Variants in ZYG11B observed in about 807,000 individuals in gnomAD.
ZYG11B encodes the protein protein zyg-11 homolog B.
A neutral mutation model predicts 82.4 loss-of-function variants in ZYG11B; 36 were observed. The observed-to-expected ratio is 0.44, with a 90% CI of 0.33 to 0.58. ZYG11B has a LOEUF of 0.58. ZYG11B is among the 20% of genes least tolerant of loss of function. ZYG11B has a pLI of 0.02. For missense variants in ZYG11B, 552 were observed against 895.6 expected, an observed-to-expected ratio of 0.62 and a Z score of 4.90; for synonymous variants, 303 against 312.8, an observed-to-expected ratio of 0.97 and a Z score of 0.33.
intron 1 of ZYG11B, among the ~76,000 whole-genome samples, chr1:52,742,893 G>A (rs1341832039): frequency 6.6e-6 from 1 of 151,124 alleles, no homozygotes; most frequent in African/African-American, 2.4e-5. Context: ...AAGTTCTGGG[G>A]GGCAGCCCCC....
intron 10 of ZYG11B, among the ~76,000 whole-genome samples, chr1:52,803,301 CAT>C (rs1413394572): frequency 1.6e-5 from 2 of 125,274 alleles, no homozygotes; most frequent in South Asian, 2.5e-4. Flanking sequence ...TATATATACA[CAT>C]ATATATACAT....
intron 5 of ZYG11B, among the ~76,000 whole-genome samples, chr1:52,786,808 G>A (rs1469549882): frequency 1.3e-5 from 2 of 151,016 alleles, no homozygotes; most frequent in Admixed American, 6.6e-5. Context: ...AAGAATGTTC[G>A]AGCCGGGCGT....
chr1:52,735,325 G>A (rs1049592229), intron 1 of ZYG11B, among the ~76,000 whole-genome samples: 1 of 152,118 alleles, frequency 6.6e-6, no homozygotes, highest in African/African-American at 2.4e-5. Context: ...CACCGTGCCC[G>A]GCCCAAATCA....
chr1:52,779,999 A>T lies in ZYG11B; in HGVS notation c.1092+6A>T. The stretch of plus-strand genomic sequence containing the variant: ...CAAAGCCAGAAATTTTAAAGGTAAG[A>T]ATAAGAAACTGGATATGAAATTTTT... On this transcript the variant is annotated splice_donor_region_variant and intron_variant, in intron 4 of 13. Transcript: ENST00000294353. The T allele has an allele frequency of 6.2e-7, 1 of 1,608,388 alleles. No homozygotes were observed. Among genetic ancestry groups the T allele is most frequent in the Non-Finnish European group, 8.5e-7 (1 of 1,178,342 alleles).
In ZYG11B at chr1:52,803,099, C is replaced by CACAT. The variant is rs1558139992; in HGVS notation, c.1695+961_1695+962insCATA. On this transcript the variant is annotated intron_variant, in intron 10 of 13. Transcript: ENST00000294353. The stretch of plus-strand genomic sequence containing the variant: ...ATATATATATACACATATATATATA[C>CACAT]ATATATATATATATATATACACACA... Among the ~76,000 whole-genome samples, 6 of 10,794 alleles carry CACAT rather than the reference C, an allele frequency of 5.6e-4. 1 individual carries two copies. The highest frequency in any genetic ancestry group is 2.5e-3 in the South Asian group (1 of 400). 7.1% of individuals were successfully genotyped at this position (10,794 alleles called of 152,430 possible).
In ZYG11B at chr1:52,782,636, A is replaced by T. The variant is rs923732299; in HGVS notation, c.1093-2241A>T. 2.0e-5 allele frequency among the ~76,000 whole-genome samples: 3 copies of T among 152,074 alleles called. No homozygotes were observed. In the East Asian group the frequency reaches 5.8e-4, roughly 29 times the overall value. On this transcript the variant is annotated intron_variant, in intron 4 of 13. Coordinates refer to ENST00000294353, the MANE Select transcript of ZYG11B (RefSeq NM_024646.3). ...TCTGTCACCCAGGCTGAAGTGCAGTAGTATGATCATAGCTCACTGTAACCT... is the reference window on the plus strand; with the variant it reads ...TCTGTCACCCAGGCTGAAGTGCAGTTGTATGATCATAGCTCACTGTAACCT...
At chr1:52,740,837 T>C in intron 1 of ZYG11B, among the ~76,000 whole-genome samples, 1 of 151,186 alleles carries the variant, frequency 6.6e-6, no homozygotes, top group South Asian at 2.1e-4. Context: ...AGTGCTGGGA[T>C]TACAGGTGTG....
intron 6 of ZYG11B, among the ~76,000 whole-genome samples, chr1:52,790,649 C>T (rs1199706495): frequency 4.6e-5 from 6 of 130,434 alleles, no homozygotes; most frequent in East Asian, 2.7e-4. Flanking sequence ...TGAACGGAGG[C>T]GGCGGTTGCA....
At chr1:52,813,096 G>A (rs1645197433) in intron 10 of ZYG11B, among the ~76,000 whole-genome samples, 1 of 152,190 alleles carries the variant, frequency 6.6e-6, no homozygotes, top group South Asian at 2.1e-4. Flanking sequence ...GGTCTCTTGA[G>A]TCTGGCTAGT....
Position 52,756,534 on chromosome 1 carries a change from C to T in ZYG11B, c.107C>T (p.Ala36Val). The change falls in exon 2 of 14, where the codon GCC becomes GTC. Residue 36 changes from alanine to valine, a missense_variant. Physicochemically the swap from Ala to Val is moderately conservative, Grantham distance 64. Around this residue, in one of 3 missense-constraint regions of ZYG11B, gnomAD observed 359 missense variants for 555.8 expected, o/e 0.65. Coordinates refer to ENST00000294353, the MANE Select transcript of ZYG11B (RefSeq NM_024646.3). ...LTTHLEKFCS[A>V]RQDGTLCLQE... ...ACTCACCTTGAGAAGTTCTGTTCAG[C>T]CAGACAAGATGGAACATTGTGTCTG... 1 of 1,614,064 alleles carries T rather than the reference C, an allele frequency of 6.2e-7. No homozygotes were observed. The highest frequency in any genetic ancestry group is 8.5e-7 in the Non-Finnish European group (1 of 1,180,006).
intron 3 of ZYG11B, among the ~76,000 whole-genome samples, chr1:52,774,785 C>G (rs1644790274): frequency 6.6e-6 from 1 of 151,938 alleles, no homozygotes; most frequent in African/African-American, 2.4e-5. Flanking sequence ...ACTCGATTTT[C>G]TCTTCTCACT....
intron 6 of ZYG11B, among the ~76,000 whole-genome samples, chr1:52,792,223 A>C (rs28490441): frequency 6.6e-6 from 1 of 152,148 alleles, no homozygotes; most frequent in Non-Finnish European, 1.5e-5. Context: ...GGATTGATTG[A>C]TGGATGAATG....
At chr1:52,796,025 AGAAAT>A (rs1645003513) in intron 6 of ZYG11B, among the ~76,000 whole-genome samples, 1 of 152,246 alleles carries the variant, frequency 6.6e-6, no homozygotes, top group Admixed American at 6.5e-5. Context: ...AATACAGAAT[AGAAAT>A]ATGTTATAAT....
intron 3 of ZYG11B, among the ~76,000 whole-genome samples, chr1:52,774,985 T>TA (rs1180566121): frequency 1.3e-5 from 2 of 152,182 alleles, no homozygotes; most frequent in African/African-American, 4.8e-5. Context: ...TTCATTTTAT[T>TA]TGACCCAAAG....
chr1:52,755,958 C>T (rs1363630256), intron 1 of ZYG11B, among the ~76,000 whole-genome samples: 4 of 151,782 alleles, frequency 2.6e-5, no homozygotes, highest in African/African-American at 7.3e-5. Flanking sequence ...CACCACCATG[C>T]CTAGCTAATT....
At chr1:52,812,257 G>A (rs755644840) in intron 10 of ZYG11B, among the ~76,000 whole-genome samples, 3 of 151,706 alleles carry the variant, frequency 2.0e-5, no homozygotes, top group Non-Finnish European at 4.4e-5. Context: ...ATTGGATGCC[G>A]GTCCTTGTGA....
At chr1:52,788,316 A>C (rs1395463353) in intron 5 of ZYG11B, among the ~76,000 whole-genome samples, 1 of 152,250 alleles carries the variant, frequency 6.6e-6, no homozygotes, top group Non-Finnish European at 1.5e-5. Context: ...GACTACAGCA[A>C]AAGTCTTTCT....
chr1:52,744,562 G>A (rs185562956), intron 1 of ZYG11B, among the ~76,000 whole-genome samples: 1 of 152,192 alleles, frequency 6.6e-6, no homozygotes, highest in African/African-American at 2.4e-5. Flanking sequence ...CTAGAGAAGG[G>A]CTGGGTACGC....
chr1:52,740,565 C>CTT lies in ZYG11B; in HGVS notation c.30+13901_30+13902dup, dbSNP rs57309331. Among the ~76,000 whole-genome samples, 149 of 124,942 alleles carry CTT rather than the reference C, an allele frequency of 1.2e-3. 2 individuals are homozygous for CTT. Among genetic ancestry groups the CTT allele is most frequent in the African/African-American group, 3.0e-3 (96 of 31,932 alleles). 82.0% of individuals were successfully genotyped at this position (124,942 alleles called of 152,430 possible). ...TGATCTATGCCCTTGGTACTACCTT[C>CTT]TTTTTTTTTTTTTTTTTTTTGAGAC... On this transcript the variant is annotated intron_variant, in intron 1 of 13. Coordinates refer to ENST00000294353, the MANE Select transcript of ZYG11B (RefSeq NM_024646.3).
Sources: gnomAD v4.1 joint callset for allele counts (sites outside exome capture counted in the v4.1 genomes callset) on GRCh38, gnomAD v4.1.1 for gene constraint, gnomAD v4.1.1 regional missense constraint, MANE v1.5 for transcripts, NCBI Gene and HGNC (gene_info 2026-07-23, HGNC 2026-07-21) for gene names.